NCAPG2: variants seen among roughly 807,000 people sequenced by gnomAD.
NCAPG2 encodes the protein non-SMC condensin II complex subunit G2.
A neutral mutation model predicts 141.1 loss-of-function variants in NCAPG2; 53 were observed. The observed-to-expected ratio is 0.38, with a 90% CI of 0.30 to 0.47. NCAPG2 has a LOEUF of 0.47. Ranked by LOEUF, NCAPG2 falls within the 20% of genes least tolerant of loss-of-function variation. The pLI is 0.99. For synonymous variants in NCAPG2, 499 were observed against 490.7 expected (o/e 1.02, Z -0.22); for missense variants, 1,087 against 1,389.0 (o/e 0.78, Z 3.46).
intron 1 of NCAPG2, among the ~76,000 whole-genome samples, chr7:158,704,160 G>A (rs1835998951): frequency 6.7e-6 from 1 of 149,832 alleles, no homozygotes. Flanking sequence ...AGGACTGAGG[G>A]GGTCGCTCTC....
At chr7:158,660,429 T>C (rs1020034521) in intron 16 of NCAPG2, among the ~76,000 whole-genome samples, 3 of 91,406 alleles carry the variant, frequency 3.3e-5, no homozygotes, top group East Asian at 4.8e-4. Flanking sequence ...TTTTTTTTTT[T>C]AAAAGAGGCA....
At position 158,656,569 on chromosome 7, in the gene NCAPG2, C is replaced by T. The variant is rs750704447; in HGVS notation, c.2197G>A (p.Glu733Lys). The T allele has an allele frequency of 6.2e-7, 1 of 1,614,138 alleles. No individual in the cohort carries two copies. Among genetic ancestry groups the T allele is most frequent in the South Asian group, 1.1e-5 (1 of 91,080 alleles). The stretch of plus-strand genomic sequence containing the variant: ...CAACCTACCTTGGCCTGGGCATGCT[C>T]TGTGGGCAGCCAGTTGTCAACAAGC... ...LELVDNWLPT[E>K]HAQAKSNTAS... Residue 733 changes from glutamate (E) to lysine (K), a missense_variant, in exon 18 of 28, where the codon GAG (glutamate) becomes AAG (lysine). By Grantham distance (56) the Glu-to-Lys change is moderately conservative (BLOSUM62 1). Transcript: ENST00000356309.
In NCAPG2 at chr7:158,662,332, T is replaced by A. The variant is rs1219364445; in HGVS notation, c.1851A>T (p.Ala617=). 1.3e-6 allele frequency: 2 copies of A among 1,599,136 alleles called. No individual in the cohort carries two copies. ...TGATTTCTAGTAAACCTGCCATGCATGCAACATCGTTTACTGACAGTGTTT... is the reference window on the plus strand; with the variant it reads ...TGATTTCTAGTAAACCTGCCATGCAAGCAACATCGTTTACTGACAGTGTTT... The part of the protein sequence containing the change: ...LDKTLSVNDV[A]CMAGLLEIIV... Residue 617 remains alanine, a synonymous_variant, in exon 16 of 28, where the codon GCA becomes GCT. Transcript: ENST00000356309.
chr7:158,697,468 G>T (rs1835519798), intron 2 of NCAPG2, among the ~76,000 whole-genome samples: 1 of 152,170 alleles, frequency 6.6e-6, no homozygotes, highest in Non-Finnish European at 1.5e-5. Context: ...CGGTGTGGTG[G>T]CGTGTGCCTG....
chr7:158,656,542 G>C lies in NCAPG2; in HGVS notation c.2214+10C>G. 1 of 1,613,636 alleles carries C rather than the reference G, an allele frequency of 6.2e-7. No individual in the cohort carries two copies. Among genetic ancestry groups the C allele is most frequent in the African/African-American group, 1.3e-5 (1 of 75,030 alleles). On this transcript the variant is annotated intron_variant, in intron 18 of 27. Transcript: ENST00000356309. ...TCACCTAATTTTAAGGAAACATGAT[G>C]TCAACCTACCTTGGCCTGGGCATGC...
At chr7:158,652,511 C>T (rs759319012) in intron 22 of NCAPG2, 31 bp from the exon 23 acceptor site, 21 of 1,487,664 alleles carry the variant, frequency 1.4e-5, no homozygotes, top group Middle Eastern at 1.8e-4. Flanking sequence ...TATCAGTTTT[C>T]TAATCACACA....
In NCAPG2 at chr7:158,689,967, A is replaced by C; in HGVS notation, c.538-14T>G. On this transcript the variant is annotated splice_polypyrimidine_tract_variant and intron_variant, in intron 5 of 27. Coordinates refer to ENST00000356309, the MANE Select transcript of NCAPG2 (RefSeq NM_017760.7). Reference sequence around the variant, plus strand: ...TACGTCTGCACCCTAGGAATGACACAAAAAATGTGATACCTTTTTCAATGA... The same window carrying C: ...TACGTCTGCACCCTAGGAATGACACCAAAAATGTGATACCTTTTTCAATGA... 2 of 1,481,678 alleles carry C rather than the reference A, an allele frequency of 1.3e-6. No homozygotes were observed. Among genetic ancestry groups the C allele is most frequent in the Non-Finnish European group, 1.8e-6 (2 of 1,118,058 alleles). The allele number at this position is 1,481,678 out of a possible 1,614,324, so 91.8% of individuals were successfully genotyped here.
At chr7:158,652,716 C>T (rs766234536) in intron 22 of NCAPG2, among the ~76,000 whole-genome samples, 1 of 152,196 alleles carries the variant, frequency 6.6e-6, no homozygotes, top group Non-Finnish European at 1.5e-5. Context: ...TCTTCAATAA[C>T]AGTAATAGTG....
At chr7:158,656,088 T>G (rs1392046791) in intron 19 of NCAPG2, among the ~76,000 whole-genome samples, 172 bp downstream of exon 19, 1 of 152,204 alleles carries the variant, frequency 6.6e-6, no homozygotes, top group Non-Finnish European at 1.5e-5. Flanking sequence ...ACTCCCAACC[T>G]TGCCCTGGCC....
chr7:158,666,626 A>AAAT (rs763661867), intron 13 of NCAPG2, among the ~76,000 whole-genome samples: 4 of 151,710 alleles, frequency 2.6e-5, no homozygotes, highest in Non-Finnish European at 5.9e-5. Flanking sequence ...ACTGCTGAAG[A>AAAT]AATAGAAGTA....
intron 2 of NCAPG2, among the ~76,000 whole-genome samples, chr7:158,694,502 G>A (rs1015677349): frequency 6.6e-6 from 1 of 152,150 alleles, no homozygotes; most frequent in African/African-American, 2.4e-5. Context: ...CACAGGGACG[G>A]ACAGACCATG....
chr7:158,701,374 T>C (rs1158262955), intron 2 of NCAPG2, among the ~76,000 whole-genome samples: 1 of 152,172 alleles, frequency 6.6e-6, no homozygotes, highest in African/African-American at 2.4e-5. Flanking sequence ...ACTAGTTCTC[T>C]CTCCTTCTCT....
Position 158,650,883 on chromosome 7 carries a change from A to G in NCAPG2, c.3024T>C (p.Leu1008=), listed in dbSNP as rs1563508500. 1 of 1,613,916 alleles carries G rather than the reference A, an allele frequency of 6.2e-7. No individual in the cohort carries two copies. The highest frequency in any genetic ancestry group is 1.7e-5 in the Admixed American group (1 of 59,970). The stretch of plus-strand genomic sequence containing the variant: ...CCACAGGCCCAGCGATCAGAGTAGA[A>G]AGTACACCCCGGTGCACAGGGGTGT... ...HTDTPVHRGV[L]STLIAGPVVE... The change falls in exon 24 of 28, where the codon CTT becomes CTC. Residue 1008 remains leucine, a synonymous_variant. Transcript: ENST00000356309.
At position 158,633,200 on chromosome 7, in the gene NCAPG2, TC is replaced by T. The variant is rs1310700976; in HGVS notation, c.3381-1484del. Among the ~76,000 whole-genome samples the T allele has an allele frequency of 6.6e-6, 1 of 152,202 alleles. No individual in the cohort carries two copies. The highest frequency in any genetic ancestry group is 1.5e-5 in the Non-Finnish European group (1 of 68,044). ...TTGCTGTTAGGTCTCTCGGGCCTTT[TC>T]CCCCAAGTCTATCCCCACCCTCGTG... On this transcript the variant is annotated intron_variant, in intron 27 of 27. Transcript: ENST00000356309. This position sits in a 1 kb window ranked among gnomAD's most constrained non-coding sequence, Gnocchi z 4.1.
At chr7:158,658,747 A>G (rs1211293604) in intron 16 of NCAPG2, among the ~76,000 whole-genome samples, 1 of 152,232 alleles carries the variant, frequency 6.6e-6, no homozygotes, top group African/African-American at 2.4e-5. Flanking sequence ...TCTACTTTAA[A>G]AAACAACACT....
chr7:158,704,445 G>A (rs942902852), intron 1 of NCAPG2, among the ~76,000 whole-genome samples: 1 of 152,226 alleles, frequency 6.6e-6, no homozygotes. Context: ...GGGCTGGGGG[G>A]TCGCTCTCTG....
intron 17 of NCAPG2, among the ~76,000 whole-genome samples, chr7:158,657,701 G>A (rs987947412): frequency 6.6e-5 from 10 of 152,214 alleles, no homozygotes; most frequent in African/African-American, 2.4e-5. Context: ...GCGGTTTTGT[G>A]GAATGGAGAG....
intron 4 of NCAPG2, among the ~76,000 whole-genome samples, chr7:158,692,479 A>G (rs1305354594): frequency 6.6e-6 from 1 of 152,222 alleles, no homozygotes; most frequent in African/African-American, 2.4e-5. Context: ...TTTACAAAGT[A>G]TCATTTCAGG....
intron 11 of NCAPG2, among the ~76,000 whole-genome samples, chr7:158,675,994 T>C (rs1403879516): frequency 6.6e-6 from 1 of 152,212 alleles, no homozygotes; most frequent in Non-Finnish European, 1.5e-5. Context: ...TTTTGAATTC[T>C]AAAATGCTGT....
Sources: gnomAD v4.1 joint callset for allele counts (sites outside exome capture counted in the v4.1 genomes callset) on GRCh38, gnomAD v4.1.1 for gene constraint, Gnocchi (gnomAD v3.1) non-coding constraint, MANE v1.5 for transcripts, NCBI Gene and HGNC (gene_info 2026-07-23, HGNC 2026-07-21) for gene names.